ERI3: variants seen among roughly 807,000 people sequenced by gnomAD.
The protein encoded by ERI3 is ERI1 exoribonuclease family member 3.
A neutral mutation model predicts 44.4 loss-of-function variants in ERI3; 18 were observed. The ratio of observed to expected loss-of-function variants is 0.41; its 90% confidence interval spans 0.28 to 0.60. The LOEUF (loss-of-function observed/expected upper bound fraction) is 0.60. Among genes scored for constraint, ERI3 ranks in the 20% least tolerant of loss-of-function variants. The pLI, the probability that ERI3 is intolerant of heterozygous loss-of-function variation, is 0.36. For synonymous variants in ERI3, 183 were observed against 164.8 expected (o/e 1.11, Z -0.84); for missense variants, 294 against 435.5 (o/e 0.68, Z 2.89).
intron 3 of ERI3, among the ~76,000 whole-genome samples, chr1:44,334,802 C>G (rs1037938693): frequency 1.3e-5 from 2 of 152,198 alleles, no homozygotes; most frequent in African/African-American, 4.8e-5. Flanking sequence ...ATAACCAATG[C>G]TGTTACTCAC....
chr1:44,233,241 T>C (rs1161411566), intron 8 of ERI3, among the ~76,000 whole-genome samples: 1 of 152,012 alleles, frequency 6.6e-6, no homozygotes, highest in Non-Finnish European at 1.5e-5. Context: ...TTTCTCTACT[T>C]TCCACAAATC....
intron 2 of ERI3, among the ~76,000 whole-genome samples, chr1:44,348,813 T>C (rs1174832390): frequency 6.6e-6 from 1 of 152,254 alleles, no homozygotes; most frequent in African/African-American, 2.4e-5. Flanking sequence ...TTCATCTGGA[T>C]GGCAAATCTG....
chr1:44,253,329 G>C (rs994816329), intron 7 of ERI3, among the ~76,000 whole-genome samples: 2 of 152,152 alleles, frequency 1.3e-5, no homozygotes, highest in Non-Finnish European at 2.9e-5. Flanking sequence ...CTTGTACTGC[G>C]AGATGGGATG....
At chr1:44,346,024 C>T (rs1646776234) in intron 2 of ERI3, among the ~76,000 whole-genome samples, 1 of 152,190 alleles carries the variant, frequency 6.6e-6, no homozygotes, top group African/African-American at 2.4e-5. Context: ...TTGTTGAAGG[C>T]TAGAGGTTGA....
chr1:44,283,462 T>C (rs925724258), intron 7 of ERI3, among the ~76,000 whole-genome samples: 1 of 152,170 alleles, frequency 6.6e-6, no homozygotes, highest in Non-Finnish European at 1.5e-5. Context: ...AAGTGATACC[T>C]GAGGTGAATC....
chr1:44,232,582 A>G (rs564495477), intron 8 of ERI3, among the ~76,000 whole-genome samples: 1 of 152,290 alleles, frequency 6.6e-6, no homozygotes, highest in African/African-American at 2.4e-5. Context: ...GTGGTTTCCA[A>G]TCCTCAGACT....
intron 6 of ERI3, among the ~76,000 whole-genome samples, chr1:44,286,259 C>T (rs1645391769): frequency 1.3e-5 from 2 of 152,156 alleles, no homozygotes; most frequent in Non-Finnish European, 2.9e-5. Flanking sequence ...TGCTCCCCTG[C>T]CCCATCTTTA....
intron 3 of ERI3, among the ~76,000 whole-genome samples, chr1:44,332,452 C>A (rs1249759893): frequency 6.6e-6 from 1 of 152,148 alleles, no homozygotes. Flanking sequence ...CTGGCCCCAC[C>A]CCCAGACAAC....
At chr1:44,326,809 T>C (rs1646325474) in intron 3 of ERI3, among the ~76,000 whole-genome samples, 1 of 152,216 alleles carries the variant, frequency 6.6e-6, no homozygotes, top group African/African-American at 2.4e-5. Flanking sequence ...CCCAAAGCAA[T>C]TAAAATATAG....
chr1:44,263,881 A>G (rs545078473), intron 7 of ERI3, among the ~76,000 whole-genome samples: 6 of 152,336 alleles, frequency 3.9e-5, no homozygotes, highest in African/African-American at 1.2e-4. Flanking sequence ...AATAAACCTC[A>G]TCTCCTCAGG....
intron 1 of ERI3, chr1:44,354,579 C>T (rs1217847058): frequency 5.1e-6 from 5 of 985,296 alleles, no homozygotes; most frequent in Non-Finnish European, 6.0e-6. Context: ...GGTGTGTGGG[C>T]ATGTGTTGGC....
chr1:44,231,386 T>C (rs1463963945), intron 8 of ERI3, among the ~76,000 whole-genome samples: 2 of 152,178 alleles, frequency 1.3e-5, no homozygotes, highest in Non-Finnish European at 2.9e-5. Context: ...CCACTTCTTT[T>C]TCTTTGAGTT....
At position 44,252,073 on chromosome 1, in the gene ERI3, GCA is replaced by G. The variant is rs1264683156; in HGVS notation, c.832-4037_832-4036del. Among the ~76,000 whole-genome samples, 1 of 152,220 alleles carries G rather than the reference GCA, an allele frequency of 6.6e-6. No individual in the cohort carries two copies. The highest frequency in any genetic ancestry group is 2.4e-5 in the African/African-American group (1 of 41,458). ...CATCAGGGTCCACCTGCCCAGCTAT[GCA>G]CAGTCAGCACCTAGCCCCTGGGGTT... On this transcript the variant is annotated intron_variant, in intron 7 of 8. Coordinates refer to ENST00000372257, the MANE Select transcript of ERI3 (RefSeq NM_024066.3). This position sits in a 1 kb window ranked among gnomAD's most constrained non-coding sequence, Gnocchi z 4.7.
intron 6 of ERI3, among the ~76,000 whole-genome samples, chr1:44,301,044 T>C (rs961515672): frequency 2.0e-5 from 3 of 150,708 alleles, no homozygotes; most frequent in Non-Finnish European, 4.4e-5. Flanking sequence ...CATTTCCCTG[T>C]CTGTGGGTTG....
chr1:44,347,132 A>T (rs1646800910), intron 2 of ERI3, among the ~76,000 whole-genome samples: 1 of 152,178 alleles, frequency 6.6e-6, no homozygotes, highest in Non-Finnish European at 1.5e-5. Context: ...CACATGACTG[A>T]TTCCCTCCAT....
chr1:44,308,461 C>A, intron 5 of ERI3, 60 bp from the exon 6 acceptor site: 2 of 1,311,106 alleles, frequency 1.5e-6, no homozygotes. Flanking sequence ...CTGTGAAGAG[C>A]CACAACAGCA....
intron 6 of ERI3, among the ~76,000 whole-genome samples, chr1:44,307,080 T>G (rs1464770342): frequency 6.6e-6 from 1 of 152,164 alleles, no homozygotes; most frequent in African/African-American, 2.4e-5. Flanking sequence ...GACAAAGAGA[T>G]GTCATGTGGG....
chr1:44,301,260 G>A (rs1218072408), intron 6 of ERI3, among the ~76,000 whole-genome samples: 1 of 152,084 alleles, frequency 6.6e-6, no homozygotes, highest in Non-Finnish European at 1.5e-5. Flanking sequence ...ACAACTCTAA[G>A]GCCCAGAATT....
intron 8 of ERI3, among the ~76,000 whole-genome samples, chr1:44,237,210 C>T (rs761872040): frequency 6.6e-6 from 1 of 152,186 alleles, no homozygotes; most frequent in African/African-American, 2.4e-5. Flanking sequence ...CATTGACGTG[C>T]CTCAGCCAAA....
Sources: allele counts gnomAD v4.1 joint callset (sites outside exome capture counted in the v4.1 genomes callset), GRCh38; gene constraint gnomAD v4.1.1; non-coding constraint Gnocchi (gnomAD v3.1); transcripts MANE v1.5; gene names NCBI Gene and HGNC (gene_info 2026-07-23, HGNC 2026-07-21).